The following BCKDHB variants were observed in gnomAD, a reference collection of about 807,000 sequenced individuals.
BCKDHB encodes branched chain keto acid dehydrogenase E1 subunit beta, also known as 2-oxoisovalerate dehydrogenase subunit beta, mitochondrial.
In BCKDHB, 41 loss-of-function variants were observed where a neutral mutation model predicts 48.5. That is an observed-to-expected ratio of 0.85 (90% CI 0.66 to 1.10). BCKDHB has a LOEUF of 1.10. Ranked by LOEUF, BCKDHB falls within the 50% of genes least tolerant of loss-of-function variation. The pLI is 0.00. For synonymous variants in BCKDHB, 201 were observed against 174.8 expected, an observed-to-expected ratio of 1.15 and a Z score of -1.18; for missense variants, 496 against 494.2, an observed-to-expected ratio of 1.00 and a Z score of -0.03.
At chr6:80,377,680 G>A in the BCKDHB span, among the ~76,000 whole-genome samples, 80 of 152,214 alleles carry the variant, frequency 5.3e-4, no homozygotes, top group East Asian at 6.4e-3. Flanking sequence ...AAGTTATTCC[G>A]TTAGTCTATA....
chr6:80,277,580 G>A (rs1285282211), intron 9 of BCKDHB, among the ~76,000 whole-genome samples: 1 of 150,256 alleles, frequency 6.7e-6, no homozygotes, highest in East Asian at 2.0e-4. Flanking sequence ...TAAAGTTATT[G>A]TTTATTTCTC....
chr6:80,252,349 A>T (rs1451939048), intron 8 of BCKDHB, among the ~76,000 whole-genome samples: 1 of 152,222 alleles, frequency 6.6e-6, no homozygotes, highest in Non-Finnish European at 1.5e-5. Flanking sequence ...CGCTCAGATC[A>T]TTCAGATCAT....
intron 1 of BCKDHB, 148 bp downstream of exon 1, chr6:80,107,037 TCTAA>T (rs1443101220): frequency 7.6e-6 from 8 of 1,051,330 alleles, no homozygotes; most frequent in African/African-American, 6.3e-5. Context: ...TGCCTCAGGG[TCTAA>T]CTGTGGTTCA....
intron 3 of BCKDHB, among the ~76,000 whole-genome samples, chr6:80,140,516 G>A (rs972657045): frequency 3.8e-4 from 58 of 152,120 alleles, no homozygotes; most frequent in African/African-American, 1.4e-3. Context: ...AGCATGAAGG[G>A]TTGTTGAATT....
intron 9 of BCKDHB, among the ~76,000 whole-genome samples, chr6:80,329,847 C>T (rs897487053): frequency 3.9e-5 from 6 of 152,116 alleles, no homozygotes; most frequent in African/African-American, 1.4e-4. Flanking sequence ...ATCACAGACC[C>T]CTTACTTACT....
At chr6:80,221,232 T>C (rs184219175) in intron 8 of BCKDHB, among the ~76,000 whole-genome samples, 2 of 152,212 alleles carry the variant, frequency 1.3e-5, no homozygotes, top group Admixed American at 6.5e-5. Flanking sequence ...ATCTCCGCAT[T>C]GGCTTCCTCT....
chr6:80,242,712 CTTAA>C (rs1427793885), intron 8 of BCKDHB, among the ~76,000 whole-genome samples: 1 of 152,054 alleles, frequency 6.6e-6, no homozygotes, highest in African/African-American at 2.4e-5. Context: ...TTCCTGTATT[CTTAA>C]TTAATCTTTG....
chr6:80,126,565 G>A (rs1406468715), intron 1 of BCKDHB, among the ~76,000 whole-genome samples: 1 of 152,168 alleles, frequency 6.6e-6, no homozygotes, highest in Admixed American at 6.5e-5. Flanking sequence ...TTTGTTATCA[G>A]CATGCTGTGG....
At chr6:80,218,720 G>A (rs1461194701) in intron 8 of BCKDHB, among the ~76,000 whole-genome samples, 1 of 152,038 alleles carries the variant, frequency 6.6e-6, no homozygotes, top group African/African-American at 2.4e-5. Context: ...TGATGTTAAT[G>A]CCCTCTACTC....
At chr6:80,255,273 T>C (rs1777002641) in intron 8 of BCKDHB, among the ~76,000 whole-genome samples, 1 of 152,222 alleles carries the variant, frequency 6.6e-6, no homozygotes, top group African/African-American at 2.4e-5. Flanking sequence ...ATGAGGACTG[T>C]AATATACAGA....
At chr6:80,429,254 A>G in the BCKDHB span, among the ~76,000 whole-genome samples, 1 of 152,186 alleles carries the variant, frequency 6.6e-6, no homozygotes, top group Admixed American at 6.5e-5. Context: ...TACCAATACC[A>G]TGCTGTTTTT....
intron 4 of BCKDHB, 146 bp from the exon 5 acceptor site, chr6:80,168,729 A>G: frequency 1.2e-6 from 1 of 844,294 alleles, no homozygotes; most frequent in Non-Finnish European, 1.9e-6. Flanking sequence ...GAAGGAAGGA[A>G]GAGGGGGAGG....
At chr6:80,370,113 ATTCCTACC>A in the BCKDHB span, among the ~76,000 whole-genome samples, 1 of 152,200 alleles carries the variant, frequency 6.6e-6, no homozygotes, top group African/African-American at 2.4e-5. Flanking sequence ...TAAATGAGTA[ATTCCTACC>A]TTCAGAAAAT....
downstream of BCKDHB, among the ~76,000 whole-genome samples, chr6:80,348,153 C>T (rs1401017309): frequency 2.6e-5 from 4 of 151,996 alleles, no homozygotes; most frequent in African/African-American, 9.7e-5. Flanking sequence ...AATGTTTTCC[C>T]TCATTCTTCC....
At chr6:80,162,438 C>T (rs1772362183) in intron 3 of BCKDHB, among the ~76,000 whole-genome samples, 1 of 152,170 alleles carries the variant, frequency 6.6e-6, no homozygotes, top group African/African-American at 2.4e-5. Flanking sequence ...TTTTCAAAGA[C>T]ACGGTTCCAG....
chr6:80,124,498 A>T (rs905295702), intron 1 of BCKDHB, among the ~76,000 whole-genome samples: 5 of 152,094 alleles, frequency 3.3e-5, no homozygotes, highest in African/African-American at 1.2e-4. Context: ...TGGAGTGTTA[A>T]AGTCTCCCAA....
chr6:80,397,103 A>G, the BCKDHB span, among the ~76,000 whole-genome samples: 1 of 152,114 alleles, frequency 6.6e-6, no homozygotes, highest in Non-Finnish European at 1.5e-5. Flanking sequence ...AGCTAATTTA[A>G]ATATTATAAT....
chr6:80,426,582 T>A, the BCKDHB span, among the ~76,000 whole-genome samples: 1 of 152,128 alleles, frequency 6.6e-6, no homozygotes, highest in South Asian at 2.1e-4. Flanking sequence ...CTTTGACCCA[T>A]GGGTTATTTG....
intron 9 of BCKDHB, among the ~76,000 whole-genome samples, chr6:80,309,299 A>G (rs185386406): frequency 3.0e-4 from 46 of 151,890 alleles, no homozygotes; most frequent in African/African-American, 1.0e-3. Context: ...TCCTGACCTC[A>G]GGTGATCTGC....
Sources: gnomAD v4.1 joint callset for allele counts (sites outside exome capture counted in the v4.1 genomes callset) on GRCh38, gnomAD v4.1.1 for gene constraint, MANE v1.5 for transcripts, NCBI Gene and HGNC (gene_info 2026-07-23, HGNC 2026-07-21) for gene names.